The following ZNF143 variants were observed in gnomAD, a reference collection of about 807,000 sequenced individuals.
The protein encoded by ZNF143 is SPH-binding factor.
ZNF143 carries 49 observed loss-of-function variants against 74.1 expected under a neutral mutation model. The ratio of observed to expected loss-of-function variants is 0.66; its 90% CI spans 0.53 to 0.84. The LOEUF is 0.84. Ranked by LOEUF, ZNF143 falls within the 40% of genes least tolerant of loss-of-function variation. The pLI, the probability that ZNF143 is intolerant of heterozygous loss-of-function variation, is 0.00. For missense variants in ZNF143, 637 were observed against 793.4 expected (o/e 0.80, Z 2.37); for synonymous variants, 304 against 282.8 (o/e 1.07, Z -0.75).
At chr11:9,482,163 G>T (rs564183064) in intron 7 of ZNF143, among the ~76,000 whole-genome samples, 1 of 149,414 alleles carries the variant, frequency 6.7e-6, no homozygotes, top group Non-Finnish European at 1.5e-5. Context: ...GTAGAGGCAG[G>T]GTTTCACCAT....
At chr11:9,494,618 T>C in intron 7 of ZNF143, 28 bp from the exon 8 acceptor site, 4 of 1,605,132 alleles carry the variant, frequency 2.5e-6, no homozygotes, top group Non-Finnish European at 3.4e-6. Flanking sequence ...GCTTAAGTAA[T>C]TTAAGTAATA....
chr11:9,489,335 G>T (rs1274389905), intron 7 of ZNF143, among the ~76,000 whole-genome samples: 1 of 152,050 alleles, frequency 6.6e-6, no homozygotes, highest in Non-Finnish European at 1.5e-5. Context: ...TGTCACCCAT[G>T]TCCCCACCCC....
chr11:9,505,808 G>C (rs1400046642), intron 11 of ZNF143, among the ~76,000 whole-genome samples: 1 of 150,994 alleles, frequency 6.6e-6, no homozygotes, highest in African/African-American at 2.4e-5. Flanking sequence ...GAACCTGGGA[G>C]GTGGAGGTTG....
At chr11:9,519,366 G>A (rs1241701972) in intron 14 of ZNF143, among the ~76,000 whole-genome samples, 3 of 152,004 alleles carry the variant, frequency 2.0e-5, no homozygotes, top group African/African-American at 4.8e-5. Context: ...TGCTGGTCTC[G>A]AACTCCGGAC....
intron 7 of ZNF143, among the ~76,000 whole-genome samples, chr11:9,479,867 A>G (rs1590533790): frequency 6.6e-6 from 1 of 152,278 alleles, no homozygotes; most frequent in East Asian, 1.9e-4. Context: ...TGGCATGGCA[A>G]TTTGTGGATA....
intron 1 of ZNF143, among the ~76,000 whole-genome samples, chr11:9,467,598 A>G (rs1288951383): frequency 6.6e-6 from 1 of 152,052 alleles, no homozygotes; most frequent in African/African-American, 2.4e-5. Context: ...CTTTAATCCC[A>G]GCACTTTGGG....
intron 9 of ZNF143, 121 bp from the exon 10 acceptor site, chr11:9,497,554 T>C (rs1225795293): frequency 1.3e-6 from 1 of 766,250 alleles, no homozygotes. Flanking sequence ...TAAATAGTTA[T>C]TCTGTGTATT....
intron 9 of ZNF143, among the ~76,000 whole-genome samples, chr11:9,496,601 C>A (rs1387267010): frequency 1.4e-5 from 2 of 146,802 alleles, no homozygotes; most frequent in Non-Finnish European, 2.9e-5. Context: ...TTTTCTTTTT[C>A]TTTTTCTTTT....
At chr11:9,465,228 C>T (rs1176387868) in intron 1 of ZNF143, among the ~76,000 whole-genome samples, 1 of 151,964 alleles carries the variant, frequency 6.6e-6, no homozygotes, top group Non-Finnish European at 1.5e-5. Context: ...ACTCTGTCAC[C>T]CAGGCTGGAG....
chr11:9,507,779 T>C (rs922069319), intron 11 of ZNF143, among the ~76,000 whole-genome samples: 8 of 152,206 alleles, frequency 5.3e-5, no homozygotes, highest in African/African-American at 1.7e-4. Flanking sequence ...TTTTTTAAAC[T>C]GGGACCCATC....
In ZNF143 at chr11:9,494,692, A is replaced by T. The variant is rs780554211; in HGVS notation, c.692A>T (p.Gln231Leu). 2 of 1,613,548 alleles carry T rather than the reference A, an allele frequency of 1.2e-6. No homozygotes were observed. Among genetic ancestry groups the T allele is most frequent in the South Asian group, 2.2e-5 (2 of 91,068 alleles). The change falls in exon 8 of 16, where the codon CAG (glutamine) becomes CTG (leucine). Residue 231 changes from glutamine to leucine, a missense_variant. Transcript: ENST00000396602. The part of the protein sequence containing the change: ...HATRVTAKSQ[Q>L]SGEKAFRCEY... ...ACAAGAGTAACTGCTAAATCTCAAC[A>T]GAGTGGAGAGAAGGCATTTCGATGT...
chr11:9,507,010 T>C (rs1338411994), intron 11 of ZNF143, among the ~76,000 whole-genome samples: 1 of 152,168 alleles, frequency 6.6e-6, no homozygotes, highest in African/African-American at 2.4e-5. Context: ...GCCCTTTCTC[T>C]TGCCCTCACC....
At position 9,479,440 on chromosome 11, in the gene ZNF143, A is replaced by G. The variant is rs895479025; in HGVS notation, c.571-32A>G. On this transcript the variant is annotated intron_variant, in intron 6 of 15. Coordinates refer to ENST00000396602, the MANE Select transcript of ZNF143 (RefSeq NM_003442.6). ...CAGCCTAAACCATTATCAAAATGTA[A>G]AACATTTTAAAGCTTTATTTTATTC... 4 of 1,564,084 alleles carry G rather than the reference A, an allele frequency of 2.6e-6. No homozygotes were observed. The East Asian group carries it at 9.1e-5, about 35-fold the overall frequency.
At chr11:9,480,398 G>GA (rs1847187146) in intron 7 of ZNF143, among the ~76,000 whole-genome samples, 1 of 150,704 alleles carries the variant, frequency 6.6e-6, no homozygotes, top group Non-Finnish European at 1.5e-5. Flanking sequence ...CTTTATAGTA[G>GA]TTTTTTTTTC....
intron 7 of ZNF143, among the ~76,000 whole-genome samples, chr11:9,485,813 A>G (rs556031886): frequency 1.3e-5 from 2 of 151,718 alleles, no homozygotes; most frequent in African/African-American, 4.9e-5. Flanking sequence ...TTTACATCAT[A>G]CAAGTTAACA....
In ZNF143 at chr11:9,472,692, A is replaced by C; in HGVS notation, c.128A>C (p.Glu43Ala). Residue 43 changes from glutamate (E) to alanine (A), a missense_variant, in exon 3 of 16, where the codon GAA becomes GCA. This residue lies in a region of ZNF143 where 293 missense variants were observed against 307.8 expected (regional missense o/e 0.95). Coordinates refer to ENST00000396602, the MANE Select transcript of ZNF143 (RefSeq NM_003442.6). ...TTTGTAATAGATGGTGACAACTTAG[A>C]AAATATGGAAGGCGTAAGCTTGCAA... ...AVTVADGDNL[E>A]NMEGVSLQAV... 1 of 1,611,016 alleles carries C rather than the reference A, an allele frequency of 6.2e-7. No homozygotes were observed.
chr11:9,505,316 C>A (rs1408435138), intron 11 of ZNF143, among the ~76,000 whole-genome samples: 5 of 151,240 alleles, frequency 3.3e-5, no homozygotes. Context: ...GTCGCTCAGG[C>A]TGGAGTGCAG....
At chr11:9,500,413 T>G (rs1848118076) in intron 10 of ZNF143, among the ~76,000 whole-genome samples, 1 of 152,126 alleles carries the variant, frequency 6.6e-6, no homozygotes, top group Admixed American at 6.6e-5. Flanking sequence ...AGGCATTATC[T>G]TGTTGAACAT....
intron 14 of ZNF143, among the ~76,000 whole-genome samples, chr11:9,522,366 C>G (rs1021142077): frequency 1.3e-5 from 2 of 151,764 alleles, no homozygotes; most frequent in African/African-American, 4.8e-5. Flanking sequence ...GCTAGGACTG[C>G]AGGTACAAGC....
Sources: allele counts gnomAD v4.1 joint callset (sites outside exome capture counted in the v4.1 genomes callset), GRCh38; gene constraint gnomAD v4.1.1; regional missense constraint gnomAD v4.1.1; transcripts MANE v1.5; gene names NCBI Gene and HGNC (gene_info 2026-07-23, HGNC 2026-07-21).